BRSK2: variants seen among roughly 807,000 people sequenced by gnomAD.
BRSK2 encodes serine/threonine-protein kinase BRSK2.
A neutral mutation model predicts 83.3 loss-of-function variants in BRSK2; 19 were observed. The observed-to-expected ratio is 0.23, with a 90% CI of 0.16 to 0.33. The LOEUF is 0.33. Among genes scored for constraint, BRSK2 ranks in the 10% least tolerant of loss-of-function variants. BRSK2 has a pLI of 1.00. For missense variants in BRSK2, 798 were observed against 1,042.3 expected (o/e 0.77, Z 3.23); for synonymous variants, 519 against 435.4 (o/e 1.19, Z -2.39).
chr11:1,398,381 C>G (rs74046931), intron 1 of BRSK2, among the ~76,000 whole-genome samples: 34,355 of 152,076 alleles, frequency 0.23, 4,110 homozygotes, highest in Non-Finnish European at 0.26. Context: ...GCCCTGGGTC[C>G]GAGAGTTATC....
intron 16 of BRSK2, among the ~76,000 whole-genome samples, chr11:1,455,421 C>T (rs979184656): frequency 3.3e-5 from 5 of 151,702 alleles, no homozygotes; most frequent in South Asian, 2.1e-4. Context: ...AAGATCAGGC[C>T]GTGGTTCGCT....
At chr11:1,426,479 G>C (rs1053895743) in intron 1 of BRSK2, among the ~76,000 whole-genome samples, 17 of 152,164 alleles carry the variant, frequency 1.1e-4, no homozygotes, top group African/African-American at 3.9e-4. Context: ...TGTAGCCCTT[G>C]GGGGTGCCCA....
At chr11:1,440,685 C>A in intron 3 of BRSK2, 103 bp from the exon 4 acceptor site, 1 of 1,432,660 alleles carries the variant, frequency 7.0e-7, no homozygotes, top group Non-Finnish European at 9.3e-7. Flanking sequence ...ATGGGGGCGG[C>A]CTGCAGAGAG....
chr11:1,451,283 T>C, intron 14 of BRSK2, 88 bp from the exon 15 acceptor site: 1 of 1,491,688 alleles, frequency 6.7e-7, no homozygotes, highest in Non-Finnish European at 9.3e-7. Context: ...GGACTCCTGA[T>C]GACCCTGACC....
chr11:1,429,240 G>A (rs1849655409), intron 1 of BRSK2, among the ~76,000 whole-genome samples: 1 of 108,488 alleles, frequency 9.2e-6, no homozygotes, highest in African/African-American at 5.3e-5. Context: ...CCATGGGTGT[G>A]TCCTGGATGC....
chr11:1,449,590 G>C (rs1196680494), intron 12 of BRSK2, among the ~76,000 whole-genome samples, 186 bp from the exon 13 acceptor site: 1 of 152,134 alleles, frequency 6.6e-6, no homozygotes, highest in African/African-American at 2.4e-5. Context: ...CCCCAGTGGG[G>C]CTGGGCACAG....
At chr11:1,427,203 C>T (rs1849336559) in intron 1 of BRSK2, among the ~76,000 whole-genome samples, 1 of 152,186 alleles carries the variant, frequency 6.6e-6, no homozygotes. Context: ...CCCTCACTGC[C>T]CCTCCAGAAA....
chr11:1,460,187 T>C (rs1454421306), intron 19 of BRSK2, among the ~76,000 whole-genome samples: 1 of 152,116 alleles, frequency 6.6e-6, no homozygotes, highest in Non-Finnish European at 1.5e-5. Flanking sequence ...AAAGGAGCAC[T>C]GGGTCCTGCG....
chr11:1,456,422 C>A lies in BRSK2; in HGVS notation c.1743C>A (p.Ala581=), dbSNP rs544772572. The change falls in exon 17 of 20, where the codon GCC becomes GCA. Residue 581 remains alanine, a synonymous_variant. Transcript: ENST00000528841. ...AGTACAAGGCCACGGGGGGGCCAGC[C>A]GTGTTCCAGAAGCCGGTCAAGTTCC... ...RAEYKATGGP[A]VFQKPVKFQV... is the part of the protein sequence containing the mutation. 2.5e-6 allele frequency: 4 copies of A among 1,599,062 alleles called. No homozygotes were observed. Among genetic ancestry groups the A allele is most frequent in the Non-Finnish European group, 3.4e-6 (4 of 1,173,894 alleles).
intron 16 of BRSK2, among the ~76,000 whole-genome samples, chr11:1,455,887 C>G (rs73411413): frequency 6.6e-6 from 1 of 151,948 alleles, no homozygotes; most frequent in South Asian, 2.1e-4. Flanking sequence ...CCATAGGTCC[C>G]GCAACCAGTG....
intron 5 of BRSK2, 98 bp downstream of exon 5, chr11:1,442,704 C>G: frequency 1.0e-6 from 1 of 981,342 alleles, no homozygotes; most frequent in Non-Finnish European, 1.6e-6. Flanking sequence ...CCTGAGCCTC[C>G]CGGCACCCCA....
chr11:1,429,376 T>G (rs1169187097), intron 1 of BRSK2, among the ~76,000 whole-genome samples: 3 of 151,520 alleles, frequency 2.0e-5, no homozygotes, highest in Non-Finnish European at 4.4e-5. Flanking sequence ...TGTGTGCACA[T>G]GGGTGTGTGT....
At chr11:1,411,471 C>T (rs1411657693) in intron 1 of BRSK2, 2 of 1,474,694 alleles carry the variant, frequency 1.4e-6, no homozygotes, top group Non-Finnish European at 1.8e-6. Context: ...TCCTTCCTCC[C>T]TCTGCTCCCC....
Position 1,445,124 on chromosome 11 carries a change from C to T in BRSK2, c.812+122C>T, listed in dbSNP as rs1457685879. The T allele has an allele frequency of 2.5e-5, 37 of 1,495,930 alleles. No individual in the cohort carries two copies. The South Asian group carries it at 2.9e-4, about 12-fold the overall frequency. 92.7% of individuals were successfully genotyped at this position (1,495,930 alleles called of 1,614,324 possible). A position where few individuals can be genotyped will look rare whatever the true frequency, so the allele number is the denominator to read the frequency against. ...CAGGTCCTGCCCTGCCTTGGCCCTC[C>T]GTGGCCTGCGCTGGGTGCGGGGTGC... On this transcript the variant is annotated intron_variant, in intron 9 of 19. Transcript: ENST00000528841.
intron 12 of BRSK2, chr11:1,447,711 T>C: frequency 7.8e-7 from 1 of 1,286,804 alleles, no homozygotes; most frequent in Non-Finnish European, 1.1e-6. Flanking sequence ...GTGGAGTTCT[T>C]ACCCGGTGTG....
At chr11:1,409,560 T>C (rs7115782) in intron 1 of BRSK2, 40,876 of 151,772 alleles carry the variant, frequency 0.27, 5,646 homozygotes, top group Middle Eastern at 0.43. Context: ...CGGAAGTTGG[T>C]GTCTGTGCGG....
chr11:1,447,726 G>T (rs903244870), intron 12 of BRSK2: 5 of 1,440,908 alleles, frequency 3.5e-6, no homozygotes, highest in Non-Finnish European at 4.7e-6. Flanking sequence ...GGTGTGGCCC[G>T]GGCCCTGGGG....
chr11:1,425,994 A>T (rs1043493443), intron 1 of BRSK2, among the ~76,000 whole-genome samples: 1 of 152,186 alleles, frequency 6.6e-6, no homozygotes, highest in Non-Finnish European at 1.5e-5. Context: ...GTGTGGTGCC[A>T]CGGTGAGCAC....
At chr11:1,406,076 G>A (rs1846855430) in intron 1 of BRSK2, among the ~76,000 whole-genome samples, 2 of 152,190 alleles carry the variant, frequency 1.3e-5, no homozygotes, top group Admixed American at 6.5e-5. Flanking sequence ...CTCCCCTGCC[G>A]AGGTCAGGGT....
Sources: gnomAD v4.1 joint callset for allele counts (sites outside exome capture counted in the v4.1 genomes callset) on GRCh38, gnomAD v4.1.1 for gene constraint, MANE v1.5 for transcripts, NCBI Gene and HGNC (gene_info 2026-07-23, HGNC 2026-07-21) for gene names.